The following FYB1 variants were observed in gnomAD, a reference collection of about 807,000 sequenced individuals.
The protein encoded by FYB1 is FYN binding protein 1.
A neutral mutation model predicts 94.1 loss-of-function variants in FYB1; 41 were observed. The observed-to-expected ratio is 0.44, with a 90% CI of 0.34 to 0.57. The LOEUF (loss-of-function observed/expected upper bound fraction) is 0.57. Ranked by LOEUF, FYB1 falls within the 20% of genes least tolerant of loss-of-function variation. The pLI is 0.02. For missense variants in FYB1, 1,050 were observed against 976.8 expected, an observed-to-expected ratio of 1.07 and a Z score of -1.00; for synonymous variants, 367 against 353.2, an observed-to-expected ratio of 1.04 and a Z score of -0.44.
chr5:39,194,554 G>A (rs1561244220), intron 2 of FYB1, among the ~76,000 whole-genome samples: 1 of 151,278 alleles, frequency 6.6e-6, no homozygotes, highest in African/African-American at 2.4e-5. Context: ...GAAAAAGGAA[G>A]GAAGGAAGGA....
intron 1 of FYB1, among the ~76,000 whole-genome samples, chr5:39,272,204 A>G (rs1752686194): frequency 6.6e-6 from 1 of 152,168 alleles, no homozygotes; most frequent in African/African-American, 2.4e-5. Flanking sequence ...ATTCCAAGGT[A>G]TGTGCATATT....
At chr5:39,153,072 A>G (rs1048084276) in intron 3 of FYB1, among the ~76,000 whole-genome samples, 1 of 151,286 alleles carries the variant, frequency 6.6e-6, no homozygotes, top group South Asian at 2.1e-4. Flanking sequence ...ATAAGCAGTC[A>G]GTAAAAATAT....
rs781337452 is a variant in FYB1 at position 39,202,116 on chromosome 5, T to A, written c.845A>T (p.Lys282Ile). The change falls in exon 2 of 19, where the codon AAA becomes ATA. Residue 282 changes from lysine (K) to isoleucine (I), a missense_variant. By Grantham distance (102) the Lys-to-Ile change is moderately radical. Transcript: ENST00000512982. ...GPGLSKNGEE[K>I]KEDRKIDAAK... ...AGCATCTATCTTCCTATCTTCCTTT[T>A]TTTCTTCACCATTTTTGGAGAGACC... 1 of 1,614,000 alleles carries A rather than the reference T, an allele frequency of 6.2e-7. No homozygotes were observed. The highest frequency in any genetic ancestry group is 8.5e-7 in the Non-Finnish European group (1 of 1,179,878).
intron 1 of FYB1, among the ~76,000 whole-genome samples, chr5:39,256,840 C>T (rs919822347): frequency 3.3e-5 from 5 of 152,164 alleles, no homozygotes; most frequent in East Asian, 1.9e-4. Context: ...TAATTTCTCT[C>T]GGATGAATGT....
In FYB1 at chr5:39,106,830, T is replaced by C. The variant is rs913016236; in HGVS notation, c.*613A>G. 3 of 152,120 alleles carry C rather than the reference T, an allele frequency of 2.0e-5. No individual in the cohort carries two copies. Among genetic ancestry groups the C allele is most frequent in the Non-Finnish European group, 2.9e-5 (2 of 67,954 alleles). The allele number at this position is 152,120 out of a possible 1,614,324, so 9.4% of individuals were successfully genotyped here. On this transcript the variant is annotated 3_prime_UTR_variant, in exon 19 of 19. Transcript: ENST00000512982. ...CTAAATGCATAACATTCGTATCAAATAATTAACATTTATATACAATTAACA... is the reference window on the plus strand; with the variant it reads ...CTAAATGCATAACATTCGTATCAAACAATTAACATTTATATACAATTAACA...
At chr5:39,140,386 A>G (rs1742065661) in intron 4 of FYB1, among the ~76,000 whole-genome samples, 1 of 152,260 alleles carries the variant, frequency 6.6e-6, no homozygotes, top group Non-Finnish European at 1.5e-5. Flanking sequence ...TAAAGTGCTC[A>G]AACTCAAGAG....
chr5:39,179,634 C>G (rs1325099564), intron 2 of FYB1, among the ~76,000 whole-genome samples: 1 of 151,554 alleles, frequency 6.6e-6, no homozygotes. Context: ...CAACCTCTGC[C>G]TCCTGAGTTC....
intron 1 of FYB1, among the ~76,000 whole-genome samples, chr5:39,215,291 C>T (rs141912605): frequency 7.5e-4 from 114 of 151,912 alleles, no homozygotes; most frequent in African/African-American, 2.7e-3. Flanking sequence ...TGTCAAACAT[C>T]TAATATGAAT....
At chr5:39,178,907 G>C (rs1304305171) in intron 2 of FYB1, among the ~76,000 whole-genome samples, 1 of 152,128 alleles carries the variant, frequency 6.6e-6, no homozygotes, top group Non-Finnish European at 1.5e-5. Flanking sequence ...ATCTTGTCAA[G>C]CACATAGAAA....
intron 1 of FYB1, among the ~76,000 whole-genome samples, chr5:39,240,542 T>G (rs1024289968): frequency 2.3e-4 from 33 of 142,566 alleles, no homozygotes; most frequent in African/African-American, 1.0e-3. Flanking sequence ...AAGAAGACAT[T>G]CATGCAGCCA....
At chr5:39,178,348 T>C (rs1745917477) in intron 2 of FYB1, among the ~76,000 whole-genome samples, 1 of 152,224 alleles carries the variant, frequency 6.6e-6, no homozygotes, top group Admixed American at 6.5e-5. Flanking sequence ...ATGATGAGAT[T>C]ACAGTAGCGT....
chr5:39,192,546 A>G (rs548094101), intron 2 of FYB1, among the ~76,000 whole-genome samples: 7 of 152,356 alleles, frequency 4.6e-5, no homozygotes, highest in Admixed American at 1.3e-4. Flanking sequence ...ATGCTTAAAC[A>G]TATATCAGTT....
chr5:39,153,862 C>T (rs1198265285), intron 2 of FYB1, among the ~76,000 whole-genome samples: 1 of 152,138 alleles, frequency 6.6e-6, no homozygotes, highest in African/African-American at 2.4e-5. Flanking sequence ...TAAGCTCAGA[C>T]TCCTGGGCTT....
At chr5:39,246,089 C>A (rs1353001973) in intron 1 of FYB1, among the ~76,000 whole-genome samples, 1 of 152,086 alleles carries the variant, frequency 6.6e-6, no homozygotes, top group African/African-American at 2.4e-5. Context: ...TTTGTTTTGT[C>A]CATGCCTAAT....
chr5:39,194,586 G>A (rs986855869), intron 2 of FYB1, among the ~76,000 whole-genome samples: 8 of 151,596 alleles, frequency 5.3e-5, no homozygotes. Flanking sequence ...AAGGAAGGGA[G>A]GATATCTTGC....
At chr5:39,224,358 G>T (rs944109731), upstream of FYB1, among the ~76,000 whole-genome samples, 1 of 152,124 alleles carries the variant, frequency 6.6e-6, no homozygotes, top group Non-Finnish European at 1.5e-5. Flanking sequence ...GAAAACAGAT[G>T]GGGGAGGGCT....
intron 1 of FYB1, among the ~76,000 whole-genome samples, chr5:39,219,219 G>A (rs73072527): frequency 0.013 from 1,977 of 152,252 alleles, 37 homozygotes; most frequent in African/African-American, 0.043. Context: ...TGACAGACAC[G>A]TTCCCGGCCA....
chr5:39,237,928 G>A (rs892917393), intron 1 of FYB1, among the ~76,000 whole-genome samples: 1 of 151,968 alleles, frequency 6.6e-6, no homozygotes, highest in Non-Finnish European at 1.5e-5. Flanking sequence ...TTTCTCTTTA[G>A]GTCTGTTCTA....
At chr5:39,145,098 G>C (rs544620754) in intron 3 of FYB1, among the ~76,000 whole-genome samples, 1 of 152,146 alleles carries the variant, frequency 6.6e-6, no homozygotes, top group Non-Finnish European at 1.5e-5. Flanking sequence ...TATAGTTGTC[G>C]AAGTTGGTGA....
Sources: allele counts gnomAD v4.1 joint callset (sites outside exome capture counted in the v4.1 genomes callset), GRCh38; gene constraint gnomAD v4.1.1; transcripts MANE v1.5; gene names NCBI Gene and HGNC (gene_info 2026-07-23, HGNC 2026-07-21).